Variants in PANK1 observed in about 807,000 individuals in gnomAD.
PANK1 encodes the protein pantothenic acid kinase 1.
In PANK1, 18 loss-of-function variants were observed where a neutral mutation model predicts 40.1. That is an observed-to-expected ratio of 0.45 (90% CI 0.31 to 0.67). The LOEUF (loss-of-function observed/expected upper bound fraction) is 0.67. Among genes scored for constraint, PANK1 ranks in the 30% least tolerant of loss-of-function variants. PANK1 has a pLI of 0.06. For missense variants in PANK1, 457 were observed against 599.6 expected (o/e 0.76, Z 2.48); for synonymous variants, 242 against 237.7 (o/e 1.02, Z -0.17).
chr10:89,611,628 G>T, intron 2 of PANK1, 68 bp downstream of exon 2: 1 of 1,147,408 alleles, frequency 8.7e-7, no homozygotes, highest in Non-Finnish European at 1.3e-6. Flanking sequence ...TGGTTCTTCG[G>T]TATGAGTGGC....
At chr10:89,589,724 T>C (rs1589757630) in intron 5 of PANK1, among the ~76,000 whole-genome samples, 2 of 151,948 alleles carry the variant, frequency 1.3e-5, no homozygotes, top group South Asian at 4.1e-4. Context: ...CACTGAAAAT[T>C]TTCCGTGGGT....
At chr10:89,612,779 T>C (rs1196832025) in intron 1 of PANK1, among the ~76,000 whole-genome samples, 1 of 152,254 alleles carries the variant, frequency 6.6e-6, no homozygotes, top group Non-Finnish European at 1.5e-5. Flanking sequence ...TCAATCCGGC[T>C]GCCTTTTAGA....
At chr10:89,598,444 A>T in intron 3 of PANK1, among the ~76,000 whole-genome samples, 1 of 152,260 alleles carries the variant, frequency 6.6e-6, no homozygotes. Context: ...CACATTCTAC[A>T]TGGCACTAAT....
intron 2 of PANK1, among the ~76,000 whole-genome samples, chr10:89,601,674 T>C (rs1844790872): frequency 1.3e-5 from 2 of 152,206 alleles, no homozygotes; most frequent in South Asian, 4.1e-4. Flanking sequence ...GTATTCTTGA[T>C]TATTCTTGAA....
At chr10:89,591,332 T>C (rs936999280) in intron 5 of PANK1, among the ~76,000 whole-genome samples, 1 of 152,216 alleles carries the variant, frequency 6.6e-6, no homozygotes, top group African/African-American at 2.4e-5. Context: ...TCCTTGTGTA[T>C]CCTTCTAATG....
At position 89,612,014 on chromosome 10, in the gene PANK1, C is replaced by A. The variant is rs760093095; in HGVS notation, c.327G>T (p.Thr109=). 1.1e-5 allele frequency: 18 copies of A among 1,613,656 alleles called. No homozygotes were observed. In the East Asian group the frequency reaches 4.0e-4, roughly 36 times the overall value. The change falls in exon 2 of 7, where the codon ACG becomes ACT. Residue 109 remains threonine, a synonymous_variant. Coordinates refer to ENST00000307534, the MANE Select transcript of PANK1 (RefSeq NM_148977.3). ...GCTCGAAATACACCAATTTAACCAG[C>A]GTTCCACCGATGTCCATGCCAAACC... The part of the protein sequence containing the change: ...FPWFGMDIGG[T]LVKLVYFEPK...
rs116457266 is a variant in PANK1 at position 89,590,628 on chromosome 10, C to A, written c.1201-1851G>T. ...TATGTGTGTATACCGTATACAAATA[C>A]ACTGAATTTTTAAATAATAGTAAAA... On this transcript the variant is annotated intron_variant, in intron 5 of 6. Transcript: ENST00000307534. Among the ~76,000 whole-genome samples, 1,202 of 152,076 alleles carry A rather than the reference C, an allele frequency of 7.9e-3. 17 individuals carry two copies. Among genetic ancestry groups the A allele is most frequent in the African/African-American group, 0.027 (1,128 of 41,484 alleles).
chr10:89,627,252 C>T (rs553234749), intron 1 of PANK1, among the ~76,000 whole-genome samples: 2 of 150,988 alleles, frequency 1.3e-5, no homozygotes, highest in South Asian at 2.1e-4. Flanking sequence ...AAAAATTCCA[C>T]GAAGTTCCAA....
intron 1 of PANK1, among the ~76,000 whole-genome samples, chr10:89,636,343 T>TTATTA (rs1554843177): frequency 0.18 from 26,117 of 148,804 alleles, 2,409 homozygotes; most frequent in South Asian, 0.28. Flanking sequence ...TATTATTATT[T>TTATTA]TTAATTTTTA....
intron 5 of PANK1, among the ~76,000 whole-genome samples, chr10:89,590,508 A>G (rs553500110): frequency 7.4e-4 from 113 of 152,290 alleles, no homozygotes; most frequent in African/African-American, 2.5e-3. Context: ...TAATATTACA[A>G]TCAACATATC....
intron 1 of PANK1, among the ~76,000 whole-genome samples, chr10:89,612,444 T>A (rs1277562960): frequency 6.6e-6 from 1 of 152,212 alleles, no homozygotes; most frequent in Admixed American, 6.5e-5. Context: ...ACTATTTTTG[T>A]CAGAATCTTT....
chr10:89,630,659 AT>A, intron 1 of PANK1, among the ~76,000 whole-genome samples: 1 of 151,902 alleles, frequency 6.6e-6, no homozygotes, highest in Middle Eastern at 3.4e-3. Flanking sequence ...CGCCCGGCTA[AT>A]TTTTTGTATT....
chr10:89,606,958 T>C (rs1302573212), intron 2 of PANK1, among the ~76,000 whole-genome samples: 1 of 152,250 alleles, frequency 6.6e-6, no homozygotes. Flanking sequence ...TCCAGATGAC[T>C]AAAAGTCTGT....
Position 89,645,032 on chromosome 10 carries a change from CCCGGCGCTCCTCCCCTCCTCCTG to C in PANK1, c.-164_-142del. 6.4e-7 allele frequency: 1 copy of C among 1,565,956 alleles called. No homozygotes were observed. The highest frequency in any genetic ancestry group is 8.6e-7 in the Non-Finnish European group (1 of 1,160,168). On this transcript the variant is annotated 5_prime_UTR_variant, in exon 1 of 7. Coordinates refer to ENST00000307534, the MANE Select transcript of PANK1 (RefSeq NM_148977.3). Reference sequence around the variant, plus strand: ...AGAGCCGGCGCCTGGGGATGGCGAACCCGGCGCTCCTCCCCTCCTCCTGCCGACTCCCCCACCTCCTCTGCGCC... The same window carrying C: ...AGAGCCGGCGCCTGGGGATGGCGAACCCGACTCCCCCACCTCCTCTGCGCC...
intron 1 of PANK1, among the ~76,000 whole-genome samples, chr10:89,616,888 TCCA>T: frequency 6.6e-6 from 1 of 151,146 alleles, no homozygotes; most frequent in African/African-American, 2.5e-5. Context: ...TCCACTGCAC[TCCA>T]GCCTGGGGGA....
intron 1 of PANK1, among the ~76,000 whole-genome samples, chr10:89,616,425 T>C (rs1020435975): frequency 6.6e-6 from 1 of 152,218 alleles, no homozygotes; most frequent in Non-Finnish European, 1.5e-5. Flanking sequence ...ATTTATATGA[T>C]AGAATGCTAC....
intron 2 of PANK1, among the ~76,000 whole-genome samples, chr10:89,606,957 C>G (rs1844984778): frequency 6.6e-6 from 1 of 152,206 alleles, no homozygotes; most frequent in Non-Finnish European, 1.5e-5. Flanking sequence ...ATCCAGATGA[C>G]TAAAAGTCTG....
At chr10:89,586,905 T>C (rs1250411747) in intron 6 of PANK1, among the ~76,000 whole-genome samples, 1 of 152,144 alleles carries the variant, frequency 6.6e-6, no homozygotes, top group African/African-American at 2.4e-5. Context: ...GGCGGGTGGA[T>C]TACCTGAGGT....
chr10:89,611,584 CAT>C, intron 2 of PANK1, 110 bp downstream of exon 2: 1 of 736,204 alleles, frequency 1.4e-6, no homozygotes, highest in Non-Finnish European at 2.2e-6. Context: ...AGAGCGGTGA[CAT>C]AAGCTTGTCC....
Sources: gnomAD v4.1 joint callset for allele counts (sites outside exome capture counted in the v4.1 genomes callset) on GRCh38, gnomAD v4.1.1 for gene constraint, MANE v1.5 for transcripts, NCBI Gene and HGNC (gene_info 2026-07-23, HGNC 2026-07-21) for gene names.